The following TNRC6B variants were observed in gnomAD, a reference collection of about 807,000 sequenced individuals.
The protein encoded by TNRC6B is trinucleotide repeat-containing gene 6B protein.
A neutral mutation model predicts 203.6 loss-of-function variants in TNRC6B; 52 were observed. The observed-to-expected ratio is 0.26, with a 90% CI of 0.20 to 0.32. The LOEUF is 0.32. Among genes scored for constraint, TNRC6B ranks in the 10% least tolerant of loss-of-function variants. The pLI, the probability that TNRC6B is intolerant of heterozygous loss-of-function variation, is 1.00. For missense variants in TNRC6B, 1,923 were observed against 2,286.2 expected (o/e 0.84, Z 3.24); for synonymous variants, 838 against 845.7 (o/e 0.99, Z 0.16).
intron 1 of TNRC6B, among the ~76,000 whole-genome samples, chr22:40,243,488 C>T (rs187128379): frequency 6.6e-6 from 1 of 152,196 alleles, no homozygotes; most frequent in East Asian, 1.9e-4. Context: ...AATCTATTTC[C>T]CTTAATTGCC....
chr22:40,300,856 A>G, intron 13 of TNRC6B, 54 bp from the exon 14 acceptor site: 8 of 1,549,882 alleles, frequency 5.2e-6, no homozygotes, highest in Non-Finnish European at 7.0e-6. Context: ...AGGTGTCCTC[A>G]GTAAATCAAT....
In TNRC6B at chr22:40,265,044, A is replaced by T; in HGVS notation, c.814A>T (p.Asn272Tyr). ...TAAGGCTAAATCTGTTCAATCTTCC[A>T]ACTCTACTACAGAGAACAACAATGG... ...DPKAKSVQSS[N>Y]STTENNNGLG... Residue 272 changes from asparagine to tyrosine, a missense_variant, in exon 5 of 23, where the codon AAC (asparagine) becomes TAC (tyrosine). Asn to Tyr is a moderately radical substitution (Grantham distance 143). Around this residue, in one of 8 missense-constraint regions of TNRC6B, gnomAD observed 614 missense variants for 587.7 expected, o/e 1.04. Coordinates refer to ENST00000454349, the MANE Select transcript of TNRC6B (RefSeq NM_001162501.2). 6.2e-7 allele frequency: 1 copy of T among 1,614,026 alleles called. No individual in the cohort carries two copies. The highest frequency in any genetic ancestry group is 8.5e-7 in the Non-Finnish European group (1 of 1,179,886).
intron 1 of TNRC6B, among the ~76,000 whole-genome samples, chr22:40,097,842 G>A (rs563101567): frequency 2.0e-4 from 31 of 151,742 alleles, no homozygotes; most frequent in African/African-American, 6.8e-4. Flanking sequence ...TTTTATAATG[G>A]CGTATCTTAT....
intron 1 of TNRC6B, among the ~76,000 whole-genome samples, chr22:40,214,878 A>G (rs1446726050): frequency 1.3e-5 from 2 of 152,292 alleles, no homozygotes; most frequent in Admixed American, 1.3e-4. Flanking sequence ...TTACAACTGC[A>G]TGTGTATCTA....
chr22:40,238,951 C>G (rs537809812), intron 1 of TNRC6B, among the ~76,000 whole-genome samples: 3 of 151,608 alleles, frequency 2.0e-5, no homozygotes, highest in Admixed American at 2.0e-4. Flanking sequence ...GCCTGTAATC[C>G]TAGCACTTTG....
rs1164529650 is a variant in TNRC6B, at chr22:40,278,150, G to T, written c.3262+106G>T. On this transcript the variant is annotated intron_variant, in intron 9 of 22. Transcript: ENST00000454349. ...GGATAGGTGCAGTTCAGTAGACATT[G>T]ATTGAGCACTTACTCTTTGTAAGGT... The T allele has an allele frequency of 8.2e-6, 7 of 851,602 alleles. No individual in the cohort carries two copies. In the African/African-American group the frequency reaches 8.3e-5, roughly 10 times the overall value. The allele number at this position is 851,602 out of a possible 1,614,324, so 52.8% of individuals were successfully genotyped here. A position where few individuals can be genotyped will look rare whatever the true frequency, so the allele number is the denominator to read the frequency against.
chr22:40,264,566 T>G, intron 4 of TNRC6B, 122 bp from the exon 5 acceptor site: 1 of 1,087,910 alleles, frequency 9.2e-7, no homozygotes, highest in Non-Finnish European at 1.3e-6. Flanking sequence ...GCAACTGGGT[T>G]GAGAGAAACT....
At chr22:40,297,349 G>A (rs2070958386) in intron 12 of TNRC6B, among the ~76,000 whole-genome samples, 1 of 152,140 alleles carries the variant, frequency 6.6e-6, no homozygotes, top group Non-Finnish European at 1.5e-5. Flanking sequence ...CATCCGTGAC[G>A]GGATGGGGGA....
chr22:40,163,258 G>T (rs1007609965), intron 4 of TNRC6B, among the ~76,000 whole-genome samples: 1 of 150,232 alleles, frequency 6.7e-6, no homozygotes, highest in Admixed American at 6.7e-5. Flanking sequence ...TATAAAAAAT[G>T]GAAAAATTAG....
chr22:40,174,124 C>T (rs1467381585), upstream of TNRC6B, among the ~76,000 whole-genome samples: 9 of 151,120 alleles, frequency 6.0e-5, no homozygotes, highest in South Asian at 4.2e-4. Flanking sequence ...GAGTTAAATA[C>T]TCAGTTCAGT....
intron 1 of TNRC6B, among the ~76,000 whole-genome samples, chr22:40,242,348 A>G (rs1420586759): frequency 6.6e-6 from 1 of 152,176 alleles, no homozygotes; most frequent in African/African-American, 2.4e-5. Context: ...CACAGAGTTC[A>G]TTTGAGTTTT....
chr22:40,281,727 C>T (rs1044622132), intron 11 of TNRC6B, among the ~76,000 whole-genome samples: 4 of 152,176 alleles, frequency 2.6e-5, no homozygotes, highest in Admixed American at 2.6e-4. Context: ...TGGGTTATGG[C>T]ATCTTGAAAT....
At chr22:40,121,925 A>G (rs554881508) in intron 2 of TNRC6B, among the ~76,000 whole-genome samples, 1 of 152,368 alleles carries the variant, frequency 6.6e-6, no homozygotes, top group African/African-American at 2.4e-5. Flanking sequence ...GTGTATAACT[A>G]TAAAAACAAC....
Position 40,221,758 on chromosome 22 carries a change from C to CT in TNRC6B, c.6-24257_6-24256insT, listed in dbSNP as rs937166558. Reference sequence around the variant, plus strand: ...CTGGCCCACCTTCTTATTGCCCCCCCCCCTTTTTTTTTTTTGACTCCTGTC... The same window carrying CT: ...CTGGCCCACCTTCTTATTGCCCCCCCTCCCTTTTTTTTTTTTGACTCCTGTC... On this transcript the variant is annotated intron_variant, in intron 1 of 22. Transcript: ENST00000454349. 3.2e-5 allele frequency among the ~76,000 whole-genome samples: 4 copies of CT among 123,382 alleles called. 1 individual carries two copies. Among genetic ancestry groups the CT allele is most frequent in the Non-Finnish European group, 5.3e-5 (3 of 56,434 alleles). The allele number at this position is 123,382 out of a possible 152,430, so 80.9% of individuals were successfully genotyped here.
chr22:40,253,557 C>T, intron 3 of TNRC6B: 1 of 455,374 alleles, frequency 2.2e-6, no homozygotes, highest in Non-Finnish European at 4.4e-6. Flanking sequence ...TAATGAAATA[C>T]AGTTTCACAG....
intron 1 of TNRC6B, among the ~76,000 whole-genome samples, chr22:40,048,725 ACAGT>A (rs1374610570): frequency 1.3e-5 from 2 of 152,188 alleles, no homozygotes; most frequent in African/African-American, 4.8e-5. Flanking sequence ...ATGAATGTAC[ACAGT>A]CAGGATCAGA....
intron 1 of TNRC6B, among the ~76,000 whole-genome samples, chr22:40,212,893 G>A (rs551976692): frequency 1.3e-5 from 2 of 152,072 alleles, no homozygotes; most frequent in Non-Finnish European, 2.9e-5. Context: ...CAAGTGATCT[G>A]CCTGCCTCAG....
In TNRC6B at chr22:40,265,386, C is replaced by T; in HGVS notation, c.1156C>T (p.Pro386Ser). ...GNTNSLNLSS[P>S]NPMENKGMPF... is the part of the protein sequence containing the mutation. The stretch of plus-strand genomic sequence containing the variant: ...CACTAACTCCTTGAACTTAAGTTCA[C>T]CAAACCCCATGGAGAATAAGGGAAT... The change falls in exon 5 of 23, where the codon CCA becomes TCA. Residue 386 changes from proline to serine, a missense_variant. Physicochemically the swap from Pro to Ser is moderately conservative, Grantham distance 74 (BLOSUM62 -1). Transcript: ENST00000454349. 1.9e-6 allele frequency: 3 copies of T among 1,613,988 alleles called. No homozygotes were observed. The highest frequency in any genetic ancestry group is 2.5e-6 in the Non-Finnish European group (3 of 1,179,878).
intron 19 of TNRC6B, among the ~76,000 whole-genome samples, chr22:40,314,190 C>T (rs1416452316): frequency 6.6e-6 from 1 of 152,164 alleles, no homozygotes; most frequent in Non-Finnish European, 1.5e-5. Context: ...CTTCCCCACC[C>T]CCAAAAGTGT....
Sources: gnomAD v4.1 joint callset for allele counts (sites outside exome capture counted in the v4.1 genomes callset) on GRCh38, gnomAD v4.1.1 for gene constraint, gnomAD v4.1.1 regional missense constraint, MANE v1.5 for transcripts, NCBI Gene and HGNC (gene_info 2026-07-23, HGNC 2026-07-21) for gene names.